Variants in INPP5A observed in about 807,000 individuals in gnomAD.
INPP5A encodes the protein inositol polyphosphate-5-phosphatase A.
INPP5A carries 14 observed loss-of-function variants against 65.2 expected under a neutral mutation model. The ratio of observed to expected loss-of-function variants is 0.21; its 90% confidence interval spans 0.14 to 0.34. The LOEUF (loss-of-function observed/expected upper bound fraction) is 0.34, where lower values mean the gene tolerates loss of function less well. Ranked by LOEUF, INPP5A falls within the 10% of genes least tolerant of loss-of-function variation. The probability of loss-of-function intolerance (pLI) is 1.00; values close to 1 mark genes in which losing one functional copy is unlikely to be tolerated. For missense variants in INPP5A, 431 were observed against 545.6 expected, an observed-to-expected ratio of 0.79 and a Z score of 2.09; for synonymous variants, 207 against 208.3, an observed-to-expected ratio of 0.99 and a Z score of 0.05.
At chr10:132,708,462 A>G (rs755037426) in intron 7 of INPP5A, 97 bp downstream of exon 7, 2 of 1,266,186 alleles carry the variant, frequency 1.6e-6, no homozygotes, top group Admixed American at 3.4e-5. Context: ...TGGAGGCTCT[A>G]CTGATTTTGC....
At position 132,547,459 on chromosome 10, in the gene INPP5A, A is replaced by G. The variant is rs904606936; in HGVS notation, c.75+9288A>G. Among the ~76,000 whole-genome samples the G allele has an allele frequency of 6.6e-6, 1 of 151,796 alleles. No individual in the cohort carries two copies. The highest frequency in any genetic ancestry group is 2.4e-5 in the African/African-American group (1 of 41,292). Reference sequence around the variant, plus strand: ...TGCACTCGGCTGCCTAGGTGGTGTGAGGTTCTGTGAGCCCGGGCCCAGCTG... The same window carrying G: ...TGCACTCGGCTGCCTAGGTGGTGTGGGGTTCTGTGAGCCCGGGCCCAGCTG... On this transcript the variant is annotated intron_variant, in intron 1 of 15. Coordinates refer to ENST00000368594, the MANE Select transcript of INPP5A (RefSeq NM_005539.5). The surrounding 1 kb of genome is among the most constrained non-coding windows in gnomAD (Gnocchi z 5.5).
At chr10:132,773,874 C>T (rs550244504) in intron 12 of INPP5A, among the ~76,000 whole-genome samples, 1 of 152,224 alleles carries the variant, frequency 6.6e-6, no homozygotes, top group Non-Finnish European at 1.5e-5. Context: ...GATTTTCCCC[C>T]CTCAGCCTCC....
intron 12 of INPP5A, among the ~76,000 whole-genome samples, chr10:132,772,668 G>A (rs1290987555): frequency 3.6e-5 from 4 of 111,968 alleles, no homozygotes; most frequent in South Asian, 3.4e-4. Context: ...CAGAGGCCAC[G>A]GCAGCCGCCC....
Position 132,741,472 on chromosome 10 carries a change from C to CTGG in INPP5A, c.733-8043_733-8042insGTG, listed in dbSNP as rs768893988. Reference sequence around the variant, plus strand: ...GCTTCCTCATCCTTGGAACCCCAGCCTGCATTGCACCCAGAAGAGGATACC... The same window carrying CTGG: ...GCTTCCTCATCCTTGGAACCCCAGCCTGGTGCATTGCACCCAGAAGAGGATACC... On this transcript the variant is annotated intron_variant, in intron 9 of 15. Transcript: ENST00000368594. This position sits in a 1 kb window ranked among gnomAD's most constrained non-coding sequence, Gnocchi z 4.4. Among the ~76,000 whole-genome samples, 7 of 152,182 alleles carry CTGG rather than the reference C, an allele frequency of 4.6e-5. No individual in the cohort carries two copies. The highest frequency in any genetic ancestry group is 7.3e-5 in the Non-Finnish European group (5 of 68,028).
chr10:132,731,353 G>C (rs897006276), intron 9 of INPP5A, among the ~76,000 whole-genome samples: 1 of 152,026 alleles, frequency 6.6e-6, no homozygotes, highest in Non-Finnish European at 1.5e-5. Context: ...CATATCAGAT[G>C]CCCCTGGGAG....
intron 4 of INPP5A, among the ~76,000 whole-genome samples, chr10:132,682,157 G>GTGGGAAGGTGGACAGCGTCCTGGAGA (rs879645788): frequency 1.3e-5 from 2 of 148,670 alleles, no homozygotes; most frequent in East Asian, 2.0e-4. Context: ...CGTCCTGGAG[G>GTGGGAAGGTGGACAGCGTCCTGGAGA]TGGGAAGGTG....
chr10:132,747,628 C>A (rs1385037597), intron 9 of INPP5A, among the ~76,000 whole-genome samples: 1 of 152,242 alleles, frequency 6.6e-6, no homozygotes, highest in Non-Finnish European at 1.5e-5. Context: ...GCGCCCGGGG[C>A]ACCGAGGTGC....
chr10:132,778,816 T>C (rs1227105887), intron 13 of INPP5A, among the ~76,000 whole-genome samples: 1 of 152,222 alleles, frequency 6.6e-6, no homozygotes, highest in African/African-American at 2.4e-5. Context: ...ACTGCCCATC[T>C]GTGTCTGTGC....
At chr10:132,745,979 C>G (rs1367986966) in intron 9 of INPP5A, among the ~76,000 whole-genome samples, 1 of 146,078 alleles carries the variant, frequency 6.8e-6, no homozygotes, top group Non-Finnish European at 1.6e-5. Context: ...GCCCACCCAG[C>G]CTCGCCTACC....
chr10:132,688,608 AGTGT>A (rs576709674), intron 4 of INPP5A, among the ~76,000 whole-genome samples: 173 of 149,844 alleles, frequency 1.2e-3, no homozygotes, highest in African/African-American at 4.0e-3. Flanking sequence ...CGTGTGTGCA[AGTGT>A]GTGAGTGTGA....
chr10:132,759,635 C>T (rs1004344141), intron 11 of INPP5A, among the ~76,000 whole-genome samples: 9 of 151,616 alleles, frequency 5.9e-5, no homozygotes, highest in Middle Eastern at 3.4e-3. Flanking sequence ...TCGAAGCTCT[C>T]GGGAAGGGAG....
intron 4 of INPP5A, among the ~76,000 whole-genome samples, chr10:132,688,898 GC>G (rs1564965566): frequency 1.3e-5 from 2 of 151,572 alleles, no homozygotes; most frequent in Non-Finnish European, 2.9e-5. Context: ...AAGTGGGAGA[GC>G]AAGCACGTGA....
intron 1 of INPP5A, among the ~76,000 whole-genome samples, chr10:132,574,285 G>A (rs1186706126): frequency 1.6e-4 from 19 of 122,046 alleles, no homozygotes; most frequent in Non-Finnish European, 2.5e-4. Context: ...TGGGGTGTGC[G>A]TGCCGTGGGA....
At chr10:132,689,344 T>TC (rs546167204) in intron 4 of INPP5A, among the ~76,000 whole-genome samples, 75 of 152,254 alleles carry the variant, frequency 4.9e-4, no homozygotes, top group African/African-American at 1.8e-3. Context: ...CCGTGTGCCC[T>TC]CCTCTCTGGC....
In INPP5A at chr10:132,704,794, G is replaced by A. The variant is rs1008669018; in HGVS notation, c.475-3519G>A. On this transcript the variant is annotated intron_variant, in intron 6 of 15. Coordinates refer to ENST00000368594, the MANE Select transcript of INPP5A (RefSeq NM_005539.5). This position sits in a 1 kb window ranked among gnomAD's most constrained non-coding sequence, Gnocchi z 4.5. ...CAGCTCCTCTGGAGTGTGGAGGATG[G>A]AGGAAGGGCGTCTGGACAGGCGGCA... Among the ~76,000 whole-genome samples, 11 of 151,906 alleles carry A rather than the reference G, an allele frequency of 7.2e-5. No individual in the cohort carries two copies. The highest frequency in any genetic ancestry group is 1.3e-4 in the Non-Finnish European group (9 of 67,972).
chr10:132,656,903 C>A (rs542086886), intron 4 of INPP5A, among the ~76,000 whole-genome samples: 17 of 152,298 alleles, frequency 1.1e-4, no homozygotes, highest in African/African-American at 3.4e-4. Context: ...CCGTGGGACC[C>A]CATGTGCCAG....
Position 132,753,706 on chromosome 10 carries a change from T to C in INPP5A, c.903+3861T>C, listed in dbSNP as rs573412667. The stretch of plus-strand genomic sequence containing the variant: ...CACCGGCCTCTTGGAGGGAGGTGTT[T>C]TCTGTGTGTTTAGCAACCGCTGTAG... On this transcript the variant is annotated intron_variant, in intron 11 of 15. Transcript: ENST00000368594. This position sits in a 1 kb window ranked among gnomAD's most constrained non-coding sequence, Gnocchi z 5.3. The C allele has an allele frequency of 6.6e-6, 1 of 152,190 alleles. No homozygotes were observed. The highest frequency in any genetic ancestry group is 2.1e-4 in the South Asian group (1 of 4,814). 9.4% of individuals were successfully genotyped at this position (152,190 alleles called of 1,614,324 possible). A position where few individuals can be genotyped will look rare whatever the true frequency, so the allele number is the denominator to read the frequency against.
intron 2 of INPP5A, among the ~76,000 whole-genome samples, chr10:132,620,799 A>G (rs759056995): frequency 3.5e-4 from 54 of 152,340 alleles, no homozygotes; most frequent in Middle Eastern, 3.4e-3. Flanking sequence ...AACAAGAAAC[A>G]ACAGAAATTC....
chr10:132,633,432 T>G (rs1206731610), intron 2 of INPP5A, among the ~76,000 whole-genome samples: 1 of 152,140 alleles, frequency 6.6e-6, no homozygotes. Flanking sequence ...ACTAAATCTG[T>G]TTTAAAACGA....
Sources: allele counts gnomAD v4.1 joint callset (sites outside exome capture counted in the v4.1 genomes callset), GRCh38; gene constraint gnomAD v4.1.1; non-coding constraint Gnocchi (gnomAD v3.1); transcripts MANE v1.5; gene names NCBI Gene and HGNC (gene_info 2026-07-23, HGNC 2026-07-21).